The following MACC1 variants were observed in gnomAD, a reference collection of about 807,000 sequenced individuals.
MACC1 encodes MET transcriptional regulator MACC1.
In MACC1, 79 loss-of-function variants were observed where a neutral mutation model predicts 70.7. That is an observed-to-expected ratio of 1.12 (90% CI 0.93 to 1.35). MACC1 has a LOEUF of 1.35. MACC1 is among the 40% of genes most tolerant of loss of function. MACC1 has a pLI of 0.00. For missense variants in MACC1, 1,106 were observed against 978.1 expected (o/e 1.13, Z -1.74); for synonymous variants, 361 against 347.2 (o/e 1.04, Z -0.44).
chr7:20,180,711 G>C (rs907615318), intron 1 of MACC1, among the ~76,000 whole-genome samples: 1 of 152,046 alleles, frequency 6.6e-6, no homozygotes, highest in Non-Finnish European at 1.5e-5. Flanking sequence ...GCCAGATGTG[G>C]TGGTGCGTGT....
Position 20,159,045 on chromosome 7 carries a change from G to GA in MACC1, c.1315dup (p.Ser439PhefsTer3), listed in dbSNP as rs1278559017. The stretch of plus-strand genomic sequence containing the variant: ...CTTTACTTCAAAATCAGGATCACAG[G>GA]AAAAAATAGAAATACTTAAATCTTG... On this transcript the variant is annotated frameshift_variant, in exon 5 of 7. Coordinates refer to ENST00000400331, the MANE Select transcript of MACC1 (RefSeq NM_182762.4). LOFTEE classifies it high-confidence loss of function. The GA allele has an allele frequency of 3.2e-5, 51 of 1,612,942 alleles. No homozygotes were observed. Among genetic ancestry groups the GA allele is most frequent in the Middle Eastern group, 1.6e-4 (1 of 6,076 alleles).
intron 6 of MACC1, among the ~76,000 whole-genome samples, chr7:20,143,233 C>A (rs1781833170): frequency 6.6e-6 from 1 of 152,202 alleles, no homozygotes; most frequent in Non-Finnish European, 1.5e-5. Context: ...CAAGAAGCAG[C>A]TTCTCCATGC....
In MACC1 at chr7:20,182,197, G is replaced by C. The variant is rs148635319; in HGVS notation, c.-217-11419C>G. 7.4e-3 allele frequency among the ~76,000 whole-genome samples: 971 copies of C among 131,496 alleles called. 19 individuals are homozygous for C. Among genetic ancestry groups the C allele is most frequent in the East Asian group, 0.049 (181 of 3,708 alleles). 86.3% of individuals were successfully genotyped at this position (131,496 alleles called of 152,430 possible). On this transcript the variant is annotated intron_variant, in intron 1 of 6. Coordinates refer to ENST00000400331, the MANE Select transcript of MACC1 (RefSeq NM_182762.4). ...CACCCACTGGGGACTGTTGTGGGGTGGGGGGAGGGTGGAGGGATAGCATTA... is the reference window on the plus strand; with the variant it reads ...CACCCACTGGGGACTGTTGTGGGGTCGGGGGAGGGTGGAGGGATAGCATTA...
Position 20,134,879 on chromosome 7 carries a change from T to A in MACC1, c.*6067A>T, listed in dbSNP as rs1322669441. ...TTAACAAGGAAATGATGGCAGAGGA[T>A]AAAACGTGATACGTCAATCTCAAAG... On this transcript the variant is annotated 3_prime_UTR_variant, in exon 7 of 7. Coordinates refer to ENST00000400331, the MANE Select transcript of MACC1 (RefSeq NM_182762.4). 6.6e-6 allele frequency: 1 copy of A among 152,142 alleles called. No homozygotes were observed. The highest frequency in any genetic ancestry group is 1.5e-5 in the Non-Finnish European group (1 of 68,032). The allele number at this position is 152,142 out of a possible 1,614,324, so 9.4% of individuals were successfully genotyped here.
At chr7:20,204,898 G>A (rs1782888600) in intron 1 of MACC1, among the ~76,000 whole-genome samples, 1 of 152,158 alleles carries the variant, frequency 6.6e-6, no homozygotes, top group Non-Finnish European at 1.5e-5. Context: ...GACCCAGTGA[G>A]CAGAGATTGT....
chr7:20,199,484 G>C (rs1782802717), intron 1 of MACC1, among the ~76,000 whole-genome samples: 1 of 152,238 alleles, frequency 6.6e-6, no homozygotes, highest in Admixed American at 6.5e-5. Context: ...GCCTTGATTG[G>C]CAGAATGGAT....
intron 6 of MACC1, among the ~76,000 whole-genome samples, chr7:20,149,146 G>T (rs1433942837): frequency 6.6e-6 from 1 of 152,118 alleles, no homozygotes; most frequent in South Asian, 2.1e-4. Context: ...GAAATAAGCT[G>T]ATCAGCCAAG....
chr7:20,177,923 T>C lies in MACC1; in HGVS notation c.-217-7145A>G, dbSNP rs187450396. ...CAGTCTTCACCTTTAAATAGTTGAG[T>C]TCCATCCCTTTAAAATCATTTAAAA... is the stretch of plus-strand genomic sequence containing the variant. On this transcript the variant is annotated intron_variant, in intron 1 of 6. Transcript: ENST00000400331. Among the ~76,000 whole-genome samples, 49 of 152,226 alleles carry C rather than the reference T, an allele frequency of 3.2e-4. 1 individual carries two copies. In the East Asian group the frequency reaches 7.3e-3, roughly 23 times the overall value.
intron 1 of MACC1, among the ~76,000 whole-genome samples, chr7:20,212,584 G>A (rs1185285484): frequency 2.0e-5 from 3 of 152,196 alleles, no homozygotes; most frequent in East Asian, 3.9e-4. Context: ...ATTTTAATGA[G>A]GAACATACTT....
At position 20,160,180 on chromosome 7, in the gene MACC1, A is replaced by T; in HGVS notation, c.181T>A (p.Ser61Thr). 6.2e-7 allele frequency: 1 copy of T among 1,609,574 alleles called. No homozygotes were observed. Among genetic ancestry groups the T allele is most frequent in the Non-Finnish European group, 8.5e-7 (1 of 1,178,800 alleles). Reference sequence around the variant, plus strand: ...TTCCAGAATGGATTTGCAACTTTGGAAGCATTATTACCACGAAGGGTGAAA... The same window carrying T: ...TTCCAGAATGGATTTGCAACTTTGGTAGCATTATTACCACGAAGGGTGAAA... ...DAFTLRGNNA[S>T]KVANPFWNQL... The change falls in exon 5 of 7, where the codon TCC becomes ACC. Residue 61 changes from serine to threonine, a missense_variant. Coordinates refer to ENST00000400331, the MANE Select transcript of MACC1 (RefSeq NM_182762.4).
chr7:20,196,443 C>G (rs1356039354), intron 1 of MACC1, among the ~76,000 whole-genome samples: 4 of 152,090 alleles, frequency 2.6e-5, no homozygotes, highest in Non-Finnish European at 5.9e-5. Flanking sequence ...GCCTCCCAAA[C>G]TGCTGGGATT....
intron 1 of MACC1, among the ~76,000 whole-genome samples, chr7:20,205,384 G>A (rs912313910): frequency 7.9e-5 from 12 of 152,348 alleles, no homozygotes; most frequent in Admixed American, 4.6e-4. Context: ...CAAAGCAGGA[G>A]TTAGGAAAAG....
intron 1 of MACC1, among the ~76,000 whole-genome samples, chr7:20,182,953 A>C (rs1417965312): frequency 2.6e-5 from 4 of 152,248 alleles, no homozygotes; most frequent in Non-Finnish European, 5.9e-5. Context: ...TTTCAAATTA[A>C]ACATTTAAAT....
intron 1 of MACC1, among the ~76,000 whole-genome samples, chr7:20,186,653 A>G (rs2128106542): frequency 6.6e-6 from 1 of 152,164 alleles, no homozygotes; most frequent in South Asian, 2.1e-4. Context: ...AGGAACCTGA[A>G]TTAGTCTGTT....
At chr7:20,161,167 G>C (rs906393076) in intron 4 of MACC1, among the ~76,000 whole-genome samples, 2 of 152,046 alleles carry the variant, frequency 1.3e-5, no homozygotes, top group Non-Finnish European at 2.9e-5. Flanking sequence ...ACTTTGTGAA[G>C]CTAGTGCTGC....
intron 1 of MACC1, among the ~76,000 whole-genome samples, chr7:20,187,134 T>G (rs994661914): frequency 6.6e-6 from 1 of 152,230 alleles, no homozygotes; most frequent in Admixed American, 6.5e-5. Context: ...CCAGTACCTG[T>G]AAACACATGT....
chr7:20,211,696 G>A (rs1375164508), intron 1 of MACC1, among the ~76,000 whole-genome samples: 1 of 152,198 alleles, frequency 6.6e-6, no homozygotes, highest in African/African-American at 2.4e-5. Flanking sequence ...GTTTTGGAAA[G>A]CAATTTCTCA....
chr7:20,212,339 G>T (rs965174026), intron 1 of MACC1, among the ~76,000 whole-genome samples: 3 of 152,160 alleles, frequency 2.0e-5, no homozygotes, highest in Admixed American at 2.0e-4. Context: ...CCTGATGTCT[G>T]TTCTGGCTGG....
intron 1 of MACC1, among the ~76,000 whole-genome samples, chr7:20,173,564 G>A (rs993340778): frequency 6.6e-6 from 1 of 152,160 alleles, no homozygotes; most frequent in Non-Finnish European, 1.5e-5. Context: ...GGTTGCCTTT[G>A]GCATAAGTCC....
Sources: allele counts gnomAD v4.1 joint callset (sites outside exome capture counted in the v4.1 genomes callset), GRCh38; gene constraint gnomAD v4.1.1; transcripts MANE v1.5; gene names NCBI Gene and HGNC (gene_info 2026-07-23, HGNC 2026-07-21).